The following MAPK12 variants were observed in gnomAD, a reference collection of about 807,000 sequenced individuals.
The protein encoded by MAPK12 is MAP kinase 12.
Under a neutral mutation model 49.1 loss-of-function variants are expected in MAPK12, and 49 were observed. The observed-to-expected ratio is 1.00, with a 90% CI of 0.79 to 1.27. MAPK12 has a LOEUF of 1.27. Among genes scored for constraint, MAPK12 ranks in the 50% most tolerant of loss-of-function variants. The pLI, the probability that MAPK12 is intolerant of heterozygous loss-of-function variation, is 0.00. For missense variants in MAPK12, 554 were observed against 502.4 expected (o/e 1.10, Z -0.98); for synonymous variants, 251 against 209.7 (o/e 1.20, Z -1.70).
rs2065139459 is a variant in MAPK12, at chr22:50,255,488, T to C, written c.815A>G (p.Asp272Gly). 2.5e-6 allele frequency: 4 copies of C among 1,613,072 alleles called. No homozygotes were observed. The highest frequency in any genetic ancestry group is 3.4e-6 in the Non-Finnish European group (4 of 1,179,986). Residue 272 changes from aspartate (D) to glycine (G), a missense_variant, in exon 10 of 12, where the codon GAT becomes GGT. Coordinates refer to ENST00000215659, the MANE Select transcript of MAPK12 (RefSeq NM_002969.6). ...TGCATTGGTCAGGATAGAGGCAAAA[T>C]CCTTCTTCTCCAATTCGGGGAGGCC... ...MKGLPELEKK[D>G]FASILTNASP...
Position 50,253,296 on chromosome 22 carries a change from T to C in MAPK12, c.*105A>G, listed in dbSNP as rs187070003. 10 of 823,366 alleles carry C rather than the reference T, an allele frequency of 1.2e-5. No individual in the cohort carries two copies. The East Asian group carries it at 2.1e-4, about 17-fold the overall frequency. The allele number at this position is 823,366 out of a possible 1,614,324, so 51.0% of individuals were successfully genotyped here. ...GAACCCGGGCGTCTGCTCTGATGGA[T>C]GCCTTGGGATGCAAGCCCCAGCCAA... On this transcript the variant is annotated 3_prime_UTR_variant, in exon 12 of 12. Transcript: ENST00000215659.
Position 50,261,439 on chromosome 22 carries a change from C to T in MAPK12, c.71G>A (p.Arg24His), listed in dbSNP as rs776449594. 6.3e-6 allele frequency: 8 copies of T among 1,275,988 alleles called. No individual in the cohort carries two copies. The African/African-American group carries it at 1.3e-4, about 20-fold the overall frequency. The allele number at this position is 1,275,988 out of a possible 1,614,324, so 79.0% of individuals were successfully genotyped here. A position where few individuals can be genotyped will look rare whatever the true frequency, so the allele number is the denominator to read the frequency against. ...GGGCTGCAGGTCCCGGTACACGGCG[C>T]GCACCTCCCAGGCCGTCTTGGTCAC... ...QEVTKTAWEV[R>H]AVYRDLQPVG... The change falls in exon 1 of 12, where the codon CGC becomes CAC. Residue 24 changes from arginine to histidine, a missense_variant. Transcript: ENST00000215659.
At chr22:50,260,080 G>A (rs937519009) in intron 2 of MAPK12, among the ~76,000 whole-genome samples, 1 of 151,618 alleles carries the variant, frequency 6.6e-6, no homozygotes, top group Non-Finnish European at 1.5e-5. Context: ...ACGGGGTGTC[G>A]AGGTGCGGGC....
rs1161077968 is a variant in MAPK12, at chr22:50,261,275, G to A, written c.147C>T (p.Thr49=). 1.0e-5 allele frequency: 16 copies of A among 1,530,234 alleles called. No homozygotes were observed. The highest frequency in any genetic ancestry group is 3.5e-4 in the Middle Eastern group (2 of 5,748). 94.8% of individuals were successfully genotyped at this position (1,530,234 alleles called of 1,614,324 possible). Residue 49 remains threonine (T), a synonymous_variant, in exon 2 of 12, where the codon ACC becomes ACT. Transcript: ENST00000215659. The stretch of plus-strand genomic sequence containing the variant: ...GCTTCTTGATGGCCACCTTAGCGCC[G>A]GTGCGGCCGTCCACGGCCGAGCTGC... The part of the protein sequence containing the change: ...GAVCSAVDGR[T]GAKVAIKKLY...
chr22:50,254,572 T>A (rs1222122002), intron 11 of MAPK12: 12 of 845,550 alleles, frequency 1.4e-5, no homozygotes, highest in African/African-American at 1.8e-5. Context: ...GAACGGTGTG[T>A]ACCCGGGAGA....
In MAPK12 at chr22:50,253,169, G is replaced by C. The variant is rs952883933; in HGVS notation, c.*232C>G. ...TGGGCCACTGCTCCAGGGATCAGAG[G>C]CCATCCCCAGGTCGGCCAGAGGTCT... is the stretch of plus-strand genomic sequence containing the variant. On this transcript the variant is annotated 3_prime_UTR_variant, in exon 12 of 12. Transcript: ENST00000215659. The C allele has an allele frequency of 8.4e-5, 48 of 571,490 alleles. No individual in the cohort carries two copies. In the African/African-American group the frequency reaches 8.8e-4, roughly 10 times the overall value. 35.4% of individuals were successfully genotyped at this position (571,490 alleles called of 1,614,324 possible). A position where few individuals can be genotyped will look rare whatever the true frequency, so the allele number is the denominator to read the frequency against.
chr22:50,253,598 T>C (rs2065120712), intron 11 of MAPK12, 118 bp from the exon 12 acceptor site: 2 of 669,680 alleles, frequency 3.0e-6, no homozygotes, highest in Non-Finnish European at 5.5e-6. Flanking sequence ...CTAATCCTAA[T>C]GTGGTCTGAA....
At position 50,261,446 on chromosome 22, in the gene MAPK12, C is replaced by A; in HGVS notation, c.64G>T (p.Glu22Ter). ...AGGTCCCGGTACACGGCGCGCACCT[C>A]CCAGGCCGTCTTGGTCACCTCCTGG... ...YRQEVTKTAW[E>*]VRAVYRDLQP... The change falls in exon 1 of 12, where the codon GAG becomes TAG. Residue 22 changes from glutamate (E) to a stop codon, truncating the protein, a stop_gained. Transcript: ENST00000215659. LOFTEE classifies it high-confidence loss of function. 1 of 1,281,334 alleles carries A rather than the reference C, an allele frequency of 7.8e-7. No individual in the cohort carries two copies. Among genetic ancestry groups the A allele is most frequent in the Non-Finnish European group, 1.0e-6 (1 of 991,120 alleles). The allele number at this position is 1,281,334 out of a possible 1,614,324, so 79.4% of individuals were successfully genotyped here. A position where few individuals can be genotyped will look rare whatever the true frequency, so the allele number is the denominator to read the frequency against.
chr22:50,255,727 C>G (rs760575782), intron 8 of MAPK12, 33 bp from the exon 9 acceptor site: 1 of 1,609,820 alleles, frequency 6.2e-7, no homozygotes, highest in Non-Finnish European at 8.5e-7. Context: ...GCTCGGGGGC[C>G]AGAGATCAGG....
intron 5 of MAPK12, 95 bp from the exon 6 acceptor site, chr22:50,256,741 C>A: frequency 6.5e-7 from 1 of 1,531,018 alleles, no homozygotes; most frequent in South Asian, 1.3e-5. Flanking sequence ...GGCCACCGGA[C>A]CTGGCCCCCT....
At position 50,257,071 on chromosome 22, in the gene MAPK12, G is replaced by A. The variant is rs2066773; in HGVS notation, c.426+11C>T. On this transcript the variant is annotated intron_variant, in intron 4 of 11. Transcript: ENST00000215659. ...TGCCTGCCTCCCTGCAGCCTCCCCC[G>A]GGGCCCGTACCCTCAGCCCCTTCAG... The A allele has an allele frequency of 0.025, 40,543 of 1,610,342 alleles. 651 individuals carry two copies. Among genetic ancestry groups the A allele is most frequent in the Non-Finnish European group, 0.029 (33,802 of 1,178,690 alleles).
intron 2 of MAPK12, among the ~76,000 whole-genome samples, chr22:50,258,775 CAGT>C (rs2065179071): frequency 1.3e-5 from 2 of 152,244 alleles, no homozygotes; most frequent in African/African-American, 4.8e-5. Flanking sequence ...GGGAGATAGA[CAGT>C]AGACAGGTCA....
intron 11 of MAPK12, chr22:50,254,739 G>A: frequency 9.2e-7 from 1 of 1,083,996 alleles, no homozygotes; most frequent in Non-Finnish European, 1.1e-6. Flanking sequence ...CGTGGTGAGG[G>A]TGTCAGGGTG....
intron 5 of MAPK12, 82 bp from the exon 6 acceptor site, chr22:50,256,728 T>A (rs917249984): frequency 6.5e-7 from 1 of 1,538,468 alleles, no homozygotes; most frequent in Non-Finnish European, 8.8e-7. Flanking sequence ...CACCTAAAGA[T>A]GGGGCCACCG....
At chr22:50,253,691 C>T (rs1362078432) in intron 11 of MAPK12, 4 of 589,448 alleles carry the variant, frequency 6.8e-6, no homozygotes, top group Non-Finnish European at 1.2e-5. Context: ...AGGGCTTGGC[C>T]ACATGTCCAC....
At chr22:50,257,785 C>G in intron 3 of MAPK12, 1 of 708,094 alleles carries the variant, frequency 1.4e-6, no homozygotes, top group African/African-American at 1.7e-5. Context: ...CGGCCTGGCC[C>G]TTCACTCTTG....
intron 11 of MAPK12, 88 bp downstream of exon 11, chr22:50,255,094 ACACAGGCCCTACCCG>A: frequency 3.4e-6 from 5 of 1,483,874 alleles, no homozygotes; most frequent in Non-Finnish European, 4.5e-6. Flanking sequence ...TCACGGGTCC[ACACAGGCCCTACCCG>A]GAGCCCCCAA....
In MAPK12 at chr22:50,253,328, G is replaced by T; in HGVS notation, c.*73C>A. The stretch of plus-strand genomic sequence containing the variant: ...GGATGCAAGCCCCAGCCAAGGTCAA[G>T]GTGGCAACGAGAGTCCCCTCTCAGG... On this transcript the variant is annotated 3_prime_UTR_variant, in exon 12 of 12. Coordinates refer to ENST00000215659, the MANE Select transcript of MAPK12 (RefSeq NM_002969.6). 8.9e-7 allele frequency: 1 copy of T among 1,122,208 alleles called. No homozygotes were observed. Among genetic ancestry groups the T allele is most frequent in the Non-Finnish European group, 1.3e-6 (1 of 756,186 alleles). 69.5% of individuals were successfully genotyped at this position (1,122,208 alleles called of 1,614,324 possible).
intron 3 of MAPK12, chr22:50,257,909 A>G (rs762173091): frequency 5.2e-6 from 4 of 773,888 alleles, no homozygotes; most frequent in Non-Finnish European, 7.2e-6. Context: ...GTTACCGGCC[A>G]CACACTTGGT....
Sources: allele counts gnomAD v4.1 joint callset (sites outside exome capture counted in the v4.1 genomes callset), GRCh38; gene constraint gnomAD v4.1.1; transcripts MANE v1.5; gene names NCBI Gene and HGNC (gene_info 2026-07-23, HGNC 2026-07-21).